NOX5: variants seen among roughly 807,000 people sequenced by gnomAD.
NOX5 encodes the protein NADPH oxidase 5, also known as NADPH oxidase, EF-hand calcium binding domain 5.
A neutral mutation model predicts 85.7 loss-of-function variants in NOX5; 76 were observed. The observed-to-expected ratio is 0.89, with a 90% CI of 0.74 to 1.07. The LOEUF is 1.07. NOX5 is among the 50% of genes least tolerant of loss of function. The pLI is 0.00. For missense variants in NOX5, 973 were observed against 999.5 expected, an observed-to-expected ratio of 0.97 and a Z score of 0.36; for synonymous variants, 405 against 401.4, an observed-to-expected ratio of 1.01 and a Z score of -0.11.
In NOX5 at chr15:69,047,537, G is replaced by A. The variant is rs2050691004; in HGVS notation, c.1817G>A (p.Arg606Lys). ...TCCATTCTGCAGAGTATCATGTACAGGTGGGTGAACAGTGTGCTCCTGCCT... is the reference window on the plus strand; with the variant it reads ...TCCATTCTGCAGAGTATCATGTACAAGTGGGTGAACAGTGTGCTCCTGCCT... ...FASILQSIMY[R>K]HQKRKHTCPS... The change falls in exon 12 of 16, where the codon AGG becomes AAG. Residue 606 changes from arginine to lysine, a missense_variant and splice_region_variant. By Grantham distance (26) the Arg-to-Lys change is conservative. Coordinates refer to ENST00000388866, the MANE Select transcript of NOX5 (RefSeq NM_024505.4). The A allele has an allele frequency of 5.0e-6, 8 of 1,613,502 alleles. No individual in the cohort carries two copies. The highest frequency in any genetic ancestry group is 5.9e-6 in the Non-Finnish European group (7 of 1,179,774).
At chr15:69,022,619 C>G (rs2050308652) in intron 1 of NOX5, 2 of 182,636 alleles carry the variant, frequency 1.1e-5, no homozygotes, top group Admixed American at 1.3e-4. Context: ...AGTACCCCAA[C>G]AGTGAGAGAA....
chr15:69,050,312 T>C (rs1307610193), intron 14 of NOX5, among the ~76,000 whole-genome samples: 2 of 152,238 alleles, frequency 1.3e-5, no homozygotes, highest in Non-Finnish European at 2.9e-5. Flanking sequence ...GTCTTTTCAC[T>C]TTTTGTGCCT....
chr15:69,054,360 T>C (rs2050784703), intron 14 of NOX5, among the ~76,000 whole-genome samples: 1 of 152,180 alleles, frequency 6.6e-6, no homozygotes, highest in African/African-American at 2.4e-5. Flanking sequence ...GGCTCCTTCG[T>C]CCCAGTCTCC....
rs1477154509 is a variant in NOX5 at position 69,062,692 on chromosome 15, A to T, written c.*5996A>T. On this transcript the variant is annotated 3_prime_UTR_variant, in exon 16 of 16. Coordinates refer to ENST00000388866, the MANE Select transcript of NOX5 (RefSeq NM_024505.4). ...CTTCGGAACACTTTATCATCAGCCT[A>T]TCTGTAAAGACTTCCTTGCTGGTCC... 1 of 152,222 alleles carries T rather than the reference A, an allele frequency of 6.6e-6. No homozygotes were observed. The highest frequency in any genetic ancestry group is 6.5e-5 in the Admixed American group (1 of 15,276). The allele number at this position is 152,222 out of a possible 1,614,324, so 9.4% of individuals were successfully genotyped here. A position where few individuals can be genotyped will look rare whatever the true frequency, so the allele number is the denominator to read the frequency against.
At chr15:69,042,051 T>TA (rs888975237) in intron 9 of NOX5, among the ~76,000 whole-genome samples, 69 of 141,806 alleles carry the variant, frequency 4.9e-4, no homozygotes, top group African/African-American at 1.7e-3. Context: ...ACAGGACTGC[T>TA]AAAAGAATCC....
chr15:69,049,190 G>GTA, intron 14 of NOX5, 132 bp downstream of exon 14: 1 of 406,700 alleles, frequency 2.5e-6, no homozygotes, highest in Non-Finnish European at 4.2e-6. Flanking sequence ...TGAACCCAGA[G>GTA]TCTTTTTTTT....
intron 9 of NOX5, among the ~76,000 whole-genome samples, chr15:69,040,844 A>AT (rs569554499): frequency 3.3e-5 from 5 of 151,902 alleles, no homozygotes; most frequent in Admixed American, 3.3e-4. Flanking sequence ...TGCATGGCTA[A>AT]TTTTTTTGTA....
At chr15:69,050,407 TC>T (rs1749023394) in intron 14 of NOX5, among the ~76,000 whole-genome samples, 1 of 152,112 alleles carries the variant, frequency 6.6e-6, no homozygotes, top group Non-Finnish European at 1.5e-5. Context: ...GGTGAGAAAC[TC>T]TTTTGGCTTT....
chr15:69,036,397 A>G (rs1483533705), intron 7 of NOX5, among the ~76,000 whole-genome samples: 1 of 152,218 alleles, frequency 6.6e-6, no homozygotes, highest in Non-Finnish European at 1.5e-5. Context: ...TGCTCTGAAA[A>G]TGTTAGTTCC....
chr15:69,021,146 T>A (rs185425781), intron 1 of NOX5, among the ~76,000 whole-genome samples: 2 of 152,266 alleles, frequency 1.3e-5, no homozygotes, highest in Admixed American at 1.3e-4. Context: ...GTATAGAATT[T>A]CCTTTTCATA....
intron 5 of NOX5, among the ~76,000 whole-genome samples, chr15:69,033,886 G>C (rs1019335789): frequency 1.3e-5 from 2 of 151,846 alleles, no homozygotes; most frequent in Non-Finnish European, 2.9e-5. Flanking sequence ...TAGAGATGGG[G>C]TTTCACCATT....
intron 1 of NOX5, chr15:69,023,404 G>C (rs1462936031): frequency 1.0e-4 from 37 of 368,702 alleles, no homozygotes; most frequent in Non-Finnish European, 1.5e-4. Flanking sequence ...CTATAGCTCA[G>C]GTAATTGTCA....
At chr15:69,051,452 T>C (rs917893269) in intron 14 of NOX5, among the ~76,000 whole-genome samples, 1 of 151,958 alleles carries the variant, frequency 6.6e-6, no homozygotes, top group African/African-American at 2.4e-5. Context: ...GCAGTGGCGC[T>C]CACTGCCACC....
chr15:69,043,407 G>A (rs16952742), intron 10 of NOX5: 2,648 of 152,574 alleles, frequency 0.017, 32 homozygotes, highest in African/African-American at 0.03. Context: ...CGCTGAGGCC[G>A]AGGGTGGCTG....
intron 1 of NOX5, among the ~76,000 whole-genome samples, chr15:69,026,146 A>G (rs1285295479): frequency 6.6e-6 from 1 of 152,228 alleles, no homozygotes; most frequent in Non-Finnish European, 1.5e-5. Flanking sequence ...GTGGTGGGAA[A>G]TATTTGGAAA....
intron 1 of NOX5, among the ~76,000 whole-genome samples, chr15:69,019,604 C>T (rs2050274385): frequency 6.6e-6 from 1 of 152,224 alleles, no homozygotes; most frequent in Non-Finnish European, 1.5e-5. Context: ...TCTTTCTCCC[C>T]TCCAGTCCTG....
rs954255381 is a variant in NOX5, at chr15:69,060,845, A to T, written c.*4149A>T. The T allele has an allele frequency of 2.4e-4, 37 of 152,220 alleles. No individual in the cohort carries two copies. Among genetic ancestry groups the T allele is most frequent in the African/African-American group, 8.2e-4 (34 of 41,464 alleles). 9.4% of individuals were successfully genotyped at this position (152,220 alleles called of 1,614,324 possible). A position where few individuals can be genotyped will look rare whatever the true frequency, so the allele number is the denominator to read the frequency against. The stretch of plus-strand genomic sequence containing the variant: ...GCCAGCCTTAATCTGTCTTGGGCCC[A>T]GACAGCCCTTATCTGTTGGGGGCCC... On this transcript the variant is annotated 3_prime_UTR_variant, in exon 16 of 16. Transcript: ENST00000388866.
At position 69,038,825 on chromosome 15, in the gene NOX5, G is replaced by A. The variant is rs1396093208; in HGVS notation, c.1372-32G>A. On this transcript the variant is annotated intron_variant, in intron 8 of 15. Transcript: ENST00000388866. ...AGCCCCTGGTGGCTTTGGGCCTGCAGGAATGATGCAGATCTCCTTCCTCTT... is the reference window on the plus strand; with the variant it reads ...AGCCCCTGGTGGCTTTGGGCCTGCAAGAATGATGCAGATCTCCTTCCTCTT... The A allele has an allele frequency of 3.1e-6, 5 of 1,613,940 alleles. No homozygotes were observed. In the Admixed American group the frequency reaches 8.3e-5, roughly 27 times the overall value.
chr15:69,039,171 A>G (rs530720195), intron 9 of NOX5, among the ~76,000 whole-genome samples, 182 bp downstream of exon 9: 2 of 152,320 alleles, frequency 1.3e-5, no homozygotes, highest in East Asian at 3.9e-4. Context: ...CAAGGGCTGT[A>G]CCAGCTGCAC....
Sources: gnomAD v4.1 joint callset for allele counts (sites outside exome capture counted in the v4.1 genomes callset) on GRCh38, gnomAD v4.1.1 for gene constraint, MANE v1.5 for transcripts, NCBI Gene and HGNC (gene_info 2026-07-23, HGNC 2026-07-21) for gene names.